Variants in ADGRB3 observed in about 807,000 individuals in gnomAD.
The protein encoded by ADGRB3 is adhesion G protein-coupled receptor B3, also known as brain-specific angiogenesis inhibitor 3.
ADGRB3 carries 37 observed loss-of-function variants against 193.4 expected under a neutral mutation model. The observed-to-expected ratio is 0.19, with a 90% CI of 0.15 to 0.25. The LOEUF is 0.25. Ranked by LOEUF, ADGRB3 falls within the 10% of genes least tolerant of loss-of-function variation. ADGRB3 has a pLI of 1.00. For missense variants in ADGRB3, 1,637 were observed against 1,852.9 expected (o/e 0.88, Z 2.14); for synonymous variants, 690 against 644.2 (o/e 1.07, Z -1.08).
intron 16 of ADGRB3, among the ~76,000 whole-genome samples, chr6:69,065,538 T>C (rs952850474): frequency 3.9e-5 from 6 of 152,172 alleles, no homozygotes; most frequent in African/African-American, 9.6e-5. Context: ...GAAGTATTAC[T>C]GTTCACTAAG....
At chr6:68,878,414 G>A (rs2150223205) in intron 3 of ADGRB3, among the ~76,000 whole-genome samples, 1 of 151,126 alleles carries the variant, frequency 6.6e-6, no homozygotes, top group South Asian at 2.1e-4. Context: ...TTTTACTGAT[G>A]GCAAAATTGT....
intron 3 of ADGRB3, among the ~76,000 whole-genome samples, chr6:68,674,921 C>T (rs1249977915): frequency 6.6e-6 from 1 of 152,118 alleles, no homozygotes; most frequent in Non-Finnish European, 1.5e-5. Context: ...TTCATAGGTT[C>T]TACCTGGAGT....
chr6:69,015,346 T>C (rs1469464178), intron 12 of ADGRB3, among the ~76,000 whole-genome samples: 4 of 152,042 alleles, frequency 2.6e-5, no homozygotes, highest in African/African-American at 9.7e-5. Flanking sequence ...CCTGAATTCA[T>C]AATCCATCTA....
chr6:69,141,700 G>A (rs1774347020), intron 17 of ADGRB3, among the ~76,000 whole-genome samples: 1 of 152,126 alleles, frequency 6.6e-6, no homozygotes, highest in Non-Finnish European at 1.5e-5. Flanking sequence ...AAAGATCTAA[G>A]TTTCTACTTT....
At chr6:68,733,314 TAA>T (rs1765808384) in intron 3 of ADGRB3, among the ~76,000 whole-genome samples, 1 of 150,202 alleles carries the variant, frequency 6.7e-6, no homozygotes, top group Non-Finnish European at 1.5e-5. Flanking sequence ...TATGCAGTCA[TAA>T]AAAAGAATGA....
At chr6:68,945,439 G>A (rs1767751153) in intron 6 of ADGRB3, among the ~76,000 whole-genome samples, 2 of 152,044 alleles carry the variant, frequency 1.3e-5, no homozygotes, top group South Asian at 2.1e-4. Context: ...CACACAGGCA[G>A]GCAGACACAC....
chr6:69,337,170 T>C (rs1051739521), intron 24 of ADGRB3, among the ~76,000 whole-genome samples: 1 of 152,196 alleles, frequency 6.6e-6, no homozygotes, highest in African/African-American at 2.4e-5. Flanking sequence ...TATTTGGCTT[T>C]CGATCTTGTT....
At chr6:69,346,732 G>C (rs963931516) in intron 26 of ADGRB3, among the ~76,000 whole-genome samples, 2 of 152,166 alleles carry the variant, frequency 1.3e-5, no homozygotes, top group African/African-American at 4.8e-5. Flanking sequence ...TGGAGAAATA[G>C]GAAGGCTTTT....
chr6:69,069,202 A>T (rs1771998406), intron 16 of ADGRB3, among the ~76,000 whole-genome samples: 1 of 152,098 alleles, frequency 6.6e-6, no homozygotes, highest in African/African-American at 2.4e-5. Flanking sequence ...GGAGAAGAAC[A>T]TCCAGGAGAT....
chr6:69,062,916 A>G lies in ADGRB3; in HGVS notation c.2334-18A>G. Reference sequence around the variant, plus strand: ...TCAGCACTCATTTCTCCTTTTAATTATAATTACTCTGTTGCAGAAATTATA... The same window carrying G: ...TCAGCACTCATTTCTCCTTTTAATTGTAATTACTCTGTTGCAGAAATTATA... On this transcript the variant is annotated intron_variant, in intron 15 of 31. Coordinates refer to ENST00000370598, the MANE Select transcript of ADGRB3 (RefSeq NM_001704.3). 1 of 1,559,318 alleles carries G rather than the reference A, an allele frequency of 6.4e-7. No homozygotes were observed. Among genetic ancestry groups the G allele is most frequent in the Non-Finnish European group, 8.8e-7 (1 of 1,131,576 alleles).
At chr6:69,354,426 G>A in intron 27 of ADGRB3, 98 bp downstream of exon 27, 1 of 1,030,690 alleles carries the variant, frequency 9.7e-7, no homozygotes, top group Non-Finnish European at 1.5e-6. Flanking sequence ...TTTTCATTTT[G>A]ATTGACTTTG....
rs536840351 is a variant in ADGRB3, at chr6:69,255,560, T to C, written c.2814+16334T>C. 7.2e-5 allele frequency among the ~76,000 whole-genome samples: 11 copies of C among 152,350 alleles called. No homozygotes were observed. The South Asian group carries it at 2.3e-3, about 32-fold the overall frequency. ...CTTTTTGAGGGGTTGTTTGTTTTTT[T>C]CTTGTAAATTTGTTTAAGTTCTTTG... is the stretch of plus-strand genomic sequence containing the variant. On this transcript the variant is annotated intron_variant, in intron 20 of 31. Coordinates refer to ENST00000370598, the MANE Select transcript of ADGRB3 (RefSeq NM_001704.3).
chr6:69,094,734 TAAAA>T (rs1156749918), intron 17 of ADGRB3, among the ~76,000 whole-genome samples: 1 of 152,100 alleles, frequency 6.6e-6, no homozygotes, highest in Non-Finnish European at 1.5e-5. Flanking sequence ...TTATATAAAA[TAAAA>T]AAATTAAAAT....
rs547524537 is a variant in ADGRB3 at position 68,684,770 on chromosome 6, C to T, written c.757+45338C>T. On this transcript the variant is annotated intron_variant, in intron 3 of 31. Transcript: ENST00000370598. Reference sequence around the variant, plus strand: ...TTATTTTTAAAAATAGAACTGGAGCCATATATCATAAATTCATCTAATTTA... The same window carrying T: ...TTATTTTTAAAAATAGAACTGGAGCTATATATCATAAATTCATCTAATTTA... Among the ~76,000 whole-genome samples the T allele has an allele frequency of 1.2e-4, 19 of 152,104 alleles. No individual in the cohort carries two copies. In the East Asian group the frequency reaches 2.5e-3, roughly 20 times the overall value.
chr6:69,052,664 C>G (rs1402865336), intron 15 of ADGRB3, among the ~76,000 whole-genome samples: 2 of 152,180 alleles, frequency 1.3e-5, no homozygotes, highest in African/African-American at 4.8e-5. Context: ...CATGTTGACT[C>G]TCTCTTTTAT....
chr6:68,877,438 A>C (rs1765624831), intron 3 of ADGRB3, among the ~76,000 whole-genome samples: 1 of 152,086 alleles, frequency 6.6e-6, no homozygotes, highest in Admixed American at 6.5e-5. Context: ...CTATCTCATA[A>C]TTTGTAACAT....
At chr6:69,070,599 C>G (rs886481200) in intron 16 of ADGRB3, among the ~76,000 whole-genome samples, 1 of 151,992 alleles carries the variant, frequency 6.6e-6, no homozygotes, top group Admixed American at 6.6e-5. Context: ...GTATCATGAG[C>G]AGTGATTCTC....
intron 20 of ADGRB3, among the ~76,000 whole-genome samples, chr6:69,266,657 G>C (rs995175045): frequency 1.3e-5 from 2 of 151,922 alleles, no homozygotes; most frequent in Non-Finnish European, 2.9e-5. Context: ...TGCATACACA[G>C]ATATATACAC....
chr6:68,836,138 C>T (rs1054086894), intron 3 of ADGRB3, among the ~76,000 whole-genome samples: 1 of 152,082 alleles, frequency 6.6e-6, no homozygotes, highest in Non-Finnish European at 1.5e-5. Flanking sequence ...AAACTAAAAG[C>T]CTGAGTTGTA....
Sources: gnomAD v4.1 joint callset for allele counts (sites outside exome capture counted in the v4.1 genomes callset) on GRCh38, gnomAD v4.1.1 for gene constraint, MANE v1.5 for transcripts, NCBI Gene and HGNC (gene_info 2026-07-23, HGNC 2026-07-21) for gene names.